The following CAMTA1 variants were observed in gnomAD, a reference collection of about 807,000 sequenced individuals.
CAMTA1 encodes calmodulin-binding transcription activator 1.
CAMTA1 carries 27 observed loss-of-function variants against 170.9 expected under a neutral mutation model. That is an observed-to-expected ratio of 0.16 (90% CI 0.12 to 0.22). The LOEUF (loss-of-function observed/expected upper bound fraction) is 0.22. Ranked by LOEUF, CAMTA1 falls within the 10% of genes least tolerant of loss-of-function variation. The probability of loss-of-function intolerance (pLI) is 1.00; values close to 1 mark genes in which losing one functional copy is unlikely to be tolerated. For synonymous variants in CAMTA1, 833 were observed against 891.5 expected (o/e 0.93, Z 1.17); for missense variants, 1,619 against 2,217.2 (o/e 0.73, Z 5.42).
intron 5 of CAMTA1, among the ~76,000 whole-genome samples, chr1:7,288,176 CTG>C (rs1672617907): frequency 6.6e-6 from 1 of 152,192 alleles, no homozygotes; most frequent in Admixed American, 6.5e-5. Context: ...AGGAATAAGA[CTG>C]TGTGACTCTG....
chr1:6,936,726 C>T (rs1434491649), intron 3 of CAMTA1, among the ~76,000 whole-genome samples: 2 of 152,170 alleles, frequency 1.3e-5, no homozygotes, highest in Non-Finnish European at 2.9e-5. Flanking sequence ...TGGTGACTCA[C>T]GCCTGTAATC....
chr1:7,705,750 C>G (rs539798087), intron 11 of CAMTA1, among the ~76,000 whole-genome samples: 56 of 152,302 alleles, frequency 3.7e-4, no homozygotes, highest in African/African-American at 1.2e-3. Context: ...GGGGGACTGT[C>G]TCTAACTACA....
intron 5 of CAMTA1, among the ~76,000 whole-genome samples, chr1:7,344,974 A>G (rs961503313): frequency 6.6e-6 from 1 of 151,878 alleles, no homozygotes; most frequent in Non-Finnish European, 1.5e-5. Flanking sequence ...GATGGTCTCC[A>G]TCTCCTGACC....
chr1:6,871,433 G>A (rs1668384401), intron 3 of CAMTA1, among the ~76,000 whole-genome samples: 1 of 152,186 alleles, frequency 6.6e-6, no homozygotes, highest in Non-Finnish European at 1.5e-5. Flanking sequence ...AACTCACCAT[G>A]CTGTGACCAC....
Position 7,635,489 on chromosome 1 carries a change from C to G in CAMTA1, c.511-4911C>G, listed in dbSNP as rs938901010. Among the ~76,000 whole-genome samples, 10 of 151,992 alleles carry G rather than the reference C, an allele frequency of 6.6e-5. No individual in the cohort carries two copies. Among genetic ancestry groups the G allele is most frequent in the African/African-American group, 1.2e-4 (5 of 41,450 alleles). Reference sequence around the variant, plus strand: ...CGGGGCACTGTGGCGGGCGCCTGTACTCCCAGCTACTCCAGAGGCTGAGGC... The same window carrying G: ...CGGGGCACTGTGGCGGGCGCCTGTAGTCCCAGCTACTCCAGAGGCTGAGGC... On this transcript the variant is annotated intron_variant, in intron 6 of 22. Transcript: ENST00000303635. The surrounding 1 kb of genome is among the most constrained non-coding windows in gnomAD (Gnocchi z 4.4).
intron 11 of CAMTA1, among the ~76,000 whole-genome samples, chr1:7,679,579 C>G (rs1004415566): frequency 9.0e-6 from 1 of 111,528 alleles, no homozygotes; most frequent in Non-Finnish European, 2.1e-5. Context: ...CTAGCTGCCC[C>G]CCCCCCCAGA....
At chr1:7,317,120 A>G (rs975870709) in intron 5 of CAMTA1, among the ~76,000 whole-genome samples, 1 of 152,128 alleles carries the variant, frequency 6.6e-6, no homozygotes, top group Non-Finnish European at 1.5e-5. Context: ...TGTGAAGGGA[A>G]GTTGCTCCCT....
In CAMTA1 at chr1:6,918,708, C is replaced by T. The variant is rs1681358377; in HGVS notation, c.234+93498C>T. Reference sequence around the variant, plus strand: ...AGGAGTTGGGCAGAGGGAGGGGAGGCTGGGCTCCTTGGGACTTCCTGGTGG... The same window carrying T: ...AGGAGTTGGGCAGAGGGAGGGGAGGTTGGGCTCCTTGGGACTTCCTGGTGG... On this transcript the variant is annotated intron_variant, in intron 3 of 22. Transcript: ENST00000303635. This position sits in a 1 kb window ranked among gnomAD's most constrained non-coding sequence, Gnocchi z 4.0. 1.3e-5 allele frequency among the ~76,000 whole-genome samples: 2 copies of T among 152,186 alleles called. No individual in the cohort carries two copies. The highest frequency in any genetic ancestry group is 4.8e-5 in the African/African-American group (2 of 41,440).
rs116870994 is a variant in CAMTA1 at position 7,205,746 on chromosome 1, T to C, written c.303-43745T>C. Among the ~76,000 whole-genome samples the C allele has an allele frequency of 1.5e-4, 23 of 152,338 alleles. No homozygotes were observed. The East Asian group carries it at 2.5e-3, about 17-fold the overall frequency. ...CCTGTTCATCAATCTTTTCTTTTAC[T>C]GTGTGTGTATTTTTGAGTCATAGTA... On this transcript the variant is annotated intron_variant, in intron 4 of 22. Coordinates refer to ENST00000303635, the MANE Select transcript of CAMTA1 (RefSeq NM_015215.4).
chr1:7,352,898 A>G (rs2084795657), intron 5 of CAMTA1, among the ~76,000 whole-genome samples: 1 of 152,234 alleles, frequency 6.6e-6, no homozygotes, highest in Non-Finnish European at 1.5e-5. Flanking sequence ...AGCCAGCCTC[A>G]TCGAGGAACA....
chr1:7,107,278 A>G lies in CAMTA1; in HGVS notation c.302+15907A>G, dbSNP rs891532165. Among the ~76,000 whole-genome samples the G allele has an allele frequency of 2.8e-4, 40 of 142,438 alleles. 1 individual carries two copies. Among genetic ancestry groups the G allele is most frequent in the South Asian group, 9.3e-4 (4 of 4,282 alleles). The allele number at this position is 142,438 out of a possible 152,430, so 93.4% of individuals were successfully genotyped here. A position where few individuals can be genotyped will look rare whatever the true frequency, so the allele number is the denominator to read the frequency against. On this transcript the variant is annotated intron_variant, in intron 4 of 22. Transcript: ENST00000303635. ...TGTGTGCATGTGTATGTGTGTGTGCATGTGTGTGTGTGTGTGTGTGTGTGC... is the reference window on the plus strand; with the variant it reads ...TGTGTGCATGTGTATGTGTGTGTGCGTGTGTGTGTGTGTGTGTGTGTGTGC...
chr1:7,511,703 C>G (rs1330430405), intron 6 of CAMTA1, among the ~76,000 whole-genome samples: 1 of 152,178 alleles, frequency 6.6e-6, no homozygotes, highest in South Asian at 2.1e-4. Context: ...TGCCAGATCT[C>G]AAAAGGCTGG....
At chr1:6,838,182 A>G (rs1227113260) in intron 3 of CAMTA1, among the ~76,000 whole-genome samples, 1 of 152,132 alleles carries the variant, frequency 6.6e-6, no homozygotes, top group Non-Finnish European at 1.5e-5. Flanking sequence ...TCTGTTTCTG[A>G]ATTAAACAGT....
In CAMTA1 at chr1:7,498,273, TGA is replaced by T. The variant is rs200048116; in HGVS notation, c.510+30374_510+30375del. On this transcript the variant is annotated intron_variant, in intron 6 of 22. Transcript: ENST00000303635. ...GGGAGAGTGTATGAGAGAGCGTGTG[TGA>T]GTGTGAGCGTGTATGAGCGTGACAG... Among the ~76,000 whole-genome samples the T allele has an allele frequency of 3.7e-3, 554 of 149,684 alleles. 31 individuals are homozygous for T. In the East Asian group the frequency reaches 0.1, roughly 27 times the overall value.
At chr1:7,304,277 A>G (rs1030601058) in intron 5 of CAMTA1, among the ~76,000 whole-genome samples, 2 of 152,200 alleles carry the variant, frequency 1.3e-5, no homozygotes, top group African/African-American at 2.4e-5. Context: ...GGGAGTTGGT[A>G]TTGGATAGAA....
chr1:7,574,627 T>C (rs7526052), intron 6 of CAMTA1, among the ~76,000 whole-genome samples: 22,386 of 152,146 alleles, frequency 0.15, 5,351 homozygotes, highest in African/African-American at 0.5. Context: ...GCTGTTTATT[T>C]AGCTTCCTCT....
rs370868840 is a variant in CAMTA1 at position 6,790,375 on chromosome 1, AGTGTGT to A, written c.45+4829_45+4834del. 2.6e-3 allele frequency among the ~76,000 whole-genome samples: 362 copies of A among 139,120 alleles called. 2 individuals are homozygous for A. The highest frequency in any genetic ancestry group is 5.2e-3 in the South Asian group (22 of 4,234). The allele number at this position is 139,120 out of a possible 152,430, so 91.3% of individuals were successfully genotyped here. On this transcript the variant is annotated intron_variant, in intron 1 of 22. Transcript: ENST00000303635. ...CAGAGTGTGAGAGAGAGAGAGAGAG[AGTGTGT>A]GTGTGTGTGTGTGTGTGTGTGTGTG...
chr1:7,277,491 G>GTGTGTA (rs1376853072), intron 5 of CAMTA1, among the ~76,000 whole-genome samples: 1 of 148,070 alleles, frequency 6.8e-6, no homozygotes, highest in Non-Finnish European at 1.5e-5. Flanking sequence ...GTGTGTGTGT[G>GTGTGTA]TAAGAGAGAG....
At chr1:7,237,632 A>G (rs1184781139) in intron 4 of CAMTA1, among the ~76,000 whole-genome samples, 5 of 152,176 alleles carry the variant, frequency 3.3e-5, no homozygotes, top group African/African-American at 9.7e-5. Flanking sequence ...CACACGCAAA[A>G]CGTCTCAAGA....
Sources: gnomAD v4.1 joint callset for allele counts (sites outside exome capture counted in the v4.1 genomes callset) on GRCh38, gnomAD v4.1.1 for gene constraint, Gnocchi (gnomAD v3.1) non-coding constraint, MANE v1.5 for transcripts, NCBI Gene and HGNC (gene_info 2026-07-23, HGNC 2026-07-21) for gene names.